The following FSCN2 variants were observed in gnomAD, a reference collection of about 807,000 sequenced individuals.
FSCN2 encodes fascin-2.
FSCN2 carries 46 observed loss-of-function variants against 37.8 expected under a neutral mutation model. The ratio of observed to expected loss-of-function variants is 1.22; its 90% confidence interval spans 0.96 to 1.56. The LOEUF is 1.56. Ranked by LOEUF, FSCN2 falls within the 40% of genes most tolerant of loss-of-function variation. FSCN2 has a pLI of 0.00. For missense variants in FSCN2, 844 were observed against 730.4 expected, an observed-to-expected ratio of 1.16 and a Z score of -1.79; for synonymous variants, 351 against 309.4, an observed-to-expected ratio of 1.13 and a Z score of -1.41.
At chr17:81,536,450 C>A (rs1177515400) in intron 3 of FSCN2, 172 bp from the exon 4 acceptor site, 7 of 1,485,416 alleles carry the variant, frequency 4.7e-6, no homozygotes, top group Non-Finnish European at 6.3e-6. Flanking sequence ...GTCTGAATGT[C>A]CTTATCTCCG....
At chr17:81,526,718 T>C (rs2032362166), upstream of FSCN2, among the ~76,000 whole-genome samples, 1 of 152,228 alleles carries the variant, frequency 6.6e-6, no homozygotes, top group African/African-American at 2.4e-5. Context: ...TTCCCTGGCA[T>C]CGGTGCTAGG....
At chr17:81,525,615 C>G (rs2032328866), upstream of FSCN2, among the ~76,000 whole-genome samples, 1 of 150,852 alleles carries the variant, frequency 6.6e-6, no homozygotes, top group Admixed American at 6.6e-5. Flanking sequence ...ATCCCAGCAA[C>G]TCGGGAGGCC....
chr17:81,523,831 C>T (rs529876505), upstream of FSCN2: 1 of 152,522 alleles, frequency 6.6e-6, no homozygotes, highest in African/African-American at 2.4e-5. Flanking sequence ...TCCAGCAGGG[C>T]GAGGAGCCAC....
chr17:81,519,516 G>A, the FSCN2 span, among the ~76,000 whole-genome samples: 1 of 152,262 alleles, frequency 6.6e-6, no homozygotes, highest in East Asian at 1.9e-4. Context: ...TCCCACCTGG[G>A]CCGCCAGGTG....
rs1295000171 is a variant in FSCN2, at chr17:81,531,795, ATGATAATGGTGATGATGG to A, written c.826+2441_826+2458del. On this transcript the variant is annotated intron_variant, in intron 1 of 4. Coordinates refer to ENST00000417245, the MANE Select transcript of FSCN2 (RefSeq NM_012418.4). The stretch of plus-strand genomic sequence containing the variant: ...GATAGTGATGGTGATGATGGTGATG[ATGATAATGGTGATGATGG>A]TGGTGGTGATGGTGGTGGTGGTGAT... Among the ~76,000 whole-genome samples, 4 of 53,568 alleles carry A rather than the reference ATGATAATGGTGATGATGG, an allele frequency of 7.5e-5. No individual in the cohort carries two copies. In the East Asian group the frequency reaches 0.011, roughly 141 times the overall value. The allele number at this position is 53,568 out of a possible 152,430, so 35.1% of individuals were successfully genotyped here.
chr17:81,531,351 A>ATGGTGG (rs1568077215), intron 1 of FSCN2, among the ~76,000 whole-genome samples: 7 of 18,122 alleles, frequency 3.9e-4, no homozygotes, highest in Admixed American at 1.1e-3. Context: ...GGTGGTGATG[A>ATGGTGG]TGGTGATGGT....
At chr17:81,530,310 G>A (rs2032508206) in intron 1 of FSCN2, among the ~76,000 whole-genome samples, 1 of 152,248 alleles carries the variant, frequency 6.6e-6, no homozygotes, top group Admixed American at 6.5e-5. Flanking sequence ...CTGGTGGGGA[G>A]GCACCTCCCT....
Position 81,529,808 on chromosome 17 carries a change from C to CATTT in FSCN2, c.826+464_826+467dup, listed in dbSNP as rs528597967. 2.0e-5 allele frequency among the ~76,000 whole-genome samples: 3 copies of CATTT among 152,266 alleles called. No individual in the cohort carries two copies. In the South Asian group the frequency reaches 6.2e-4, roughly 32 times the overall value. ...TTTCTCCACCCCATTTTCTGGACTT[C>CATTT]ATTTATTTATTTATTTTTTGAGACA... On this transcript the variant is annotated intron_variant, in intron 1 of 4. Coordinates refer to ENST00000417245, the MANE Select transcript of FSCN2 (RefSeq NM_012418.4).
At position 81,535,122 on chromosome 17, in the gene FSCN2, G is replaced by A. The variant is rs1228845797; in HGVS notation, c.897G>A (p.Glu299=). ...CCTTCCTGATGCAAATTGACCAGGA[G>A]ACAAAGAAGTGCACCTTCTATTCCA... is the stretch of plus-strand genomic sequence containing the variant. ...HETFLMQIDQ[E]TKKCTFYSST... The change falls in exon 2 of 5, where the codon GAG becomes GAA. Residue 299 remains glutamate, a synonymous_variant. Coordinates refer to ENST00000417245, the MANE Select transcript of FSCN2 (RefSeq NM_012418.4). 3 of 1,533,832 alleles carry A rather than the reference G, an allele frequency of 2.0e-6. No homozygotes were observed. The highest frequency in any genetic ancestry group is 2.5e-5 in the East Asian group (1 of 40,776).
At chr17:81,525,049 G>A (rs1379852793), upstream of FSCN2, among the ~76,000 whole-genome samples, 1 of 152,182 alleles carries the variant, frequency 6.6e-6, no homozygotes, top group Non-Finnish European at 1.5e-5. Flanking sequence ...GAGCCCAGGA[G>A]TTCGGGGCTG....
At chr17:81,521,016 A>G in the FSCN2 span, among the ~76,000 whole-genome samples, 3 of 151,942 alleles carry the variant, frequency 2.0e-5, no homozygotes, top group African/African-American at 7.3e-5. Flanking sequence ...CTAACCCTTC[A>G]GCGGAGTTTT....
chr17:81,521,550 G>A, the FSCN2 span, among the ~76,000 whole-genome samples: 3 of 151,900 alleles, frequency 2.0e-5, no homozygotes, highest in Non-Finnish European at 2.9e-5. Context: ...GTTTGTATTT[G>A]TAGTAGAAAT....
chr17:81,528,102 G>A (rs1370294134), upstream of FSCN2, among the ~76,000 whole-genome samples: 6 of 152,140 alleles, frequency 3.9e-5, no homozygotes, highest in African/African-American at 1.4e-4. Flanking sequence ...GGTTGGAGGA[G>A]GGGGGCAGGA....
rs2032417433 is a variant in FSCN2, at chr17:81,528,387, C to G, written c.-145C>G. ...CTGCTGCCGCGGGTCAGAGGCGGGT[C>G]AGAGCAGGCAGGGGGTTCGTGACGC... is the stretch of plus-strand genomic sequence containing the variant. On this transcript the variant is annotated 5_prime_UTR_variant, in exon 1 of 5. Coordinates refer to ENST00000417245, the MANE Select transcript of FSCN2 (RefSeq NM_012418.4). 2 of 640,500 alleles carry G rather than the reference C, an allele frequency of 3.1e-6. No individual in the cohort carries two copies. The highest frequency in any genetic ancestry group is 5.7e-5 in the Admixed American group (2 of 35,360). 39.7% of individuals were successfully genotyped at this position (640,500 alleles called of 1,614,324 possible). A position where few individuals can be genotyped will look rare whatever the true frequency, so the allele number is the denominator to read the frequency against.
chr17:81,527,944 C>G (rs2032400158), upstream of FSCN2, among the ~76,000 whole-genome samples: 1 of 152,196 alleles, frequency 6.6e-6, no homozygotes, highest in Non-Finnish European at 1.5e-5. Flanking sequence ...CAGCAGGAAT[C>G]AGAGAAGCAG....
the FSCN2 span, among the ~76,000 whole-genome samples, chr17:81,517,939 C>T: frequency 5.9e-5 from 9 of 152,182 alleles, no homozygotes; most frequent in Non-Finnish European, 1.3e-4. Flanking sequence ...ACCACCGTCC[C>T]AGGCCACAGC....
chr17:81,520,806 A>C, the FSCN2 span, among the ~76,000 whole-genome samples: 1 of 152,176 alleles, frequency 6.6e-6, no homozygotes, highest in Non-Finnish European at 1.5e-5. Flanking sequence ...TTTTGCATTC[A>C]TTATCTTGGC....
In FSCN2 at chr17:81,529,153, G is replaced by A. The variant is rs1255129517; in HGVS notation, c.622G>A (p.Ala208Thr). The A allele has an allele frequency of 1.3e-6, 2 of 1,586,402 alleles. No homozygotes were observed. The highest frequency in any genetic ancestry group is 1.2e-5 in the South Asian group (1 of 86,936). ...TCTGGTCTGGGAGCCTGAGCCCCGT[G>A]CCTGCTACACGCTGGAGTTCAAGGC... Reference protein sequence around the residue: ...GRLVWEPEPRACYTLEFKAGK... With the variant: ...GRLVWEPEPRTCYTLEFKAGK... The change falls in exon 1 of 5, where the codon GCC becomes ACC. Residue 208 changes from alanine (A) to threonine (T), a missense_variant. Ala to Thr is a moderately conservative substitution (Grantham distance 58). Coordinates refer to ENST00000417245, the MANE Select transcript of FSCN2 (RefSeq NM_012418.4).
In FSCN2 at chr17:81,528,829, T is replaced by G. The variant is rs782704952; in HGVS notation, c.298T>G (p.Trp100Gly). 1.9e-5 allele frequency: 29 copies of G among 1,557,596 alleles called. No individual in the cohort carries two copies. Among genetic ancestry groups the G allele is most frequent in the Non-Finnish European group, 2.3e-5 (26 of 1,153,312 alleles). ...GGTCCTGCCGCAGCCAGATGGGCGC[T>G]GGGTGCTGCGGTCCGAGCCGCACGG... is the stretch of plus-strand genomic sequence containing the variant. ...FLVLPQPDGR[W>G]VLRSEPHGRF... Residue 100 changes from tryptophan to glycine, a missense_variant, in exon 1 of 5, where the codon TGG becomes GGG. Trp to Gly is a radical substitution (Grantham distance 184, BLOSUM62 -2). Coordinates refer to ENST00000417245, the MANE Select transcript of FSCN2 (RefSeq NM_012418.4).
Sources: gnomAD v4.1 joint callset for allele counts (sites outside exome capture counted in the v4.1 genomes callset) on GRCh38, gnomAD v4.1.1 for gene constraint, MANE v1.5 for transcripts, NCBI Gene and HGNC (gene_info 2026-07-23, HGNC 2026-07-21) for gene names.